Variants in OR5H1 observed in about 807,000 individuals in gnomAD.
The protein encoded by OR5H1 is olfactory receptor family 5 subfamily H member 1, also known as olfactory receptor 5H1.
For synonymous variants in OR5H1, 124 were observed against 134.4 expected (o/e 0.92, Z 0.54); for missense variants, 378 against 366.8 (o/e 1.03, Z -0.25).
chr3:98,132,660 T>C lies in OR5H1; in HGVS notation c.-18-20T>C, dbSNP rs376159075. The C allele has an allele frequency of 1.2e-5, 19 of 1,603,872 alleles. No homozygotes were observed. The highest frequency in any genetic ancestry group is 6.7e-5 in the East Asian group (3 of 44,718). The stretch of plus-strand genomic sequence containing the variant: ...ATGCCATTGCAAATGTTCCCTTTCA[T>C]TTGTTGCATTTTATTTTAGAGGGCA... On this transcript the variant is annotated intron_variant, in intron 1 of 1. Transcript: ENST00000641874.
chr3:98,133,372 C>A lies in OR5H1; in HGVS notation c.675C>A (p.Ile225=), dbSNP rs1266232384. ...CTTATACATTTGTTCTCTTCGCAAT[C>A]TTAAAAAAGAAATCTGATAAAGGTG... ...LVSYTFVLFA[I]LKKKSDKGVR... Residue 225 remains isoleucine (I), a synonymous_variant, in exon 2 of 2, where the codon ATC becomes ATA. Transcript: ENST00000641874. 2 of 1,613,052 alleles carry A rather than the reference C, an allele frequency of 1.2e-6. No individual in the cohort carries two copies. Among genetic ancestry groups the A allele is most frequent in the East Asian group, 4.5e-5 (2 of 44,816 alleles).
chr3:98,132,083 TCATAA>T (rs1437032416), intron 1 of OR5H1, among the ~76,000 whole-genome samples: 1 of 152,044 alleles, frequency 6.6e-6, no homozygotes, highest in Non-Finnish European at 1.5e-5. Context: ...CATTAAAACC[TCATAA>T]CATATTTTTC....
At chr3:98,131,319 T>G (rs1273233155) in intron 1 of OR5H1, among the ~76,000 whole-genome samples, 2 of 151,962 alleles carry the variant, frequency 1.3e-5, no homozygotes, top group African/African-American at 4.8e-5. Flanking sequence ...TTTGTTGATG[T>G]GAATAAAGGT....
rs576813088 is a variant in OR5H1 at position 98,138,514 on chromosome 3, AG to A, written c.*4876del. On this transcript the variant is annotated 3_prime_UTR_variant, in exon 2 of 2. Coordinates refer to ENST00000641874, the MANE Select transcript of OR5H1 (RefSeq NM_001005338.2). ...GTCATCATAAAAGCAAAAATCTAAA[AG>A]TCAAATATGTGTTTTTTTGTTTTAT... The A allele has an allele frequency of 6.6e-5, 10 of 152,230 alleles. No homozygotes were observed. Among genetic ancestry groups the A allele is most frequent in the African/African-American group, 2.2e-4 (9 of 41,470 alleles). The allele number at this position is 152,230 out of a possible 1,614,324, so 9.4% of individuals were successfully genotyped here. A position where few individuals can be genotyped will look rare whatever the true frequency, so the allele number is the denominator to read the frequency against.
At chr3:98,132,567 A>G in intron 1 of OR5H1, 113 bp from the exon 2 acceptor site, 2 of 1,216,558 alleles carry the variant, frequency 1.6e-6, no homozygotes, top group East Asian at 2.4e-5. Context: ...AGGACTGATC[A>G]AAAAATTGAG....
Position 98,138,254 on chromosome 3 carries a change from C to T in OR5H1, c.*4615C>T, listed in dbSNP as rs925062964. 1 of 152,116 alleles carries T rather than the reference C, an allele frequency of 6.6e-6. No individual in the cohort carries two copies. Among genetic ancestry groups the T allele is most frequent in the Non-Finnish European group, 1.5e-5 (1 of 68,036 alleles). The allele number at this position is 152,116 out of a possible 1,614,324, so 9.4% of individuals were successfully genotyped here. A position where few individuals can be genotyped will look rare whatever the true frequency, so the allele number is the denominator to read the frequency against. ...GTGGTCAGAGTGAAACAGAACAGAA[C>T]GGGAGGTTTCACAATGTCCTACCAT... On this transcript the variant is annotated 3_prime_UTR_variant, in exon 2 of 2. Transcript: ENST00000641874.
In OR5H1 at chr3:98,133,176, A is replaced by C; in HGVS notation, c.479A>C (p.Glu160Ala). 6.2e-7 allele frequency: 1 copy of C among 1,613,064 alleles called. No homozygotes were observed. Among genetic ancestry groups the C allele is most frequent in the Non-Finnish European group, 8.5e-7 (1 of 1,179,596 alleles). ...GGTATTCTTCATGCTTTAATCCATG[A>C]AGGATTTTTATTCAGACTAACCTTC... ...VGGILHALIHEGFLFRLTFCN... is the reference protein window; with the variant it reads ...VGGILHALIHAGFLFRLTFCN... The change falls in exon 2 of 2, where the codon GAA becomes GCA. Residue 160 changes from glutamate to alanine, a missense_variant. Physicochemically the swap from Glu to Ala is moderately radical, Grantham distance 107 (BLOSUM62 -1). Transcript: ENST00000641874.
rs540331244 is a variant in OR5H1 at position 98,137,392 on chromosome 3, C to T, written c.*3753C>T. The T allele has an allele frequency of 6.6e-6, 1 of 152,208 alleles. No individual in the cohort carries two copies. The highest frequency in any genetic ancestry group is 2.1e-4 in the South Asian group (1 of 4,822). 9.4% of individuals were successfully genotyped at this position (152,208 alleles called of 1,614,324 possible). A position where few individuals can be genotyped will look rare whatever the true frequency, so the allele number is the denominator to read the frequency against. On this transcript the variant is annotated 3_prime_UTR_variant, in exon 2 of 2. Coordinates refer to ENST00000641874, the MANE Select transcript of OR5H1 (RefSeq NM_001005338.2). ...AGATACTTTGCATACAGGGATGTTT[C>T]CTTTATGTTATTTAGTGGTATTTAT...
Position 98,135,041 on chromosome 3 carries a change from A to G in OR5H1, c.*1402A>G, listed in dbSNP as rs1416473372. On this transcript the variant is annotated 3_prime_UTR_variant, in exon 2 of 2. Coordinates refer to ENST00000641874, the MANE Select transcript of OR5H1 (RefSeq NM_001005338.2). ...ATGTATACATAGTGATACAAGATAT[A>G]TATTAGTACTTATATAGTTAAAATA... The G allele has an allele frequency of 2.0e-5, 3 of 152,194 alleles. No individual in the cohort carries two copies. The highest frequency in any genetic ancestry group is 4.4e-5 in the Non-Finnish European group (3 of 68,020). 9.4% of individuals were successfully genotyped at this position (152,194 alleles called of 1,614,324 possible). A position where few individuals can be genotyped will look rare whatever the true frequency, so the allele number is the denominator to read the frequency against.
intron 1 of OR5H1, among the ~76,000 whole-genome samples, 158 bp from the exon 2 acceptor site, chr3:98,132,522 G>C (rs900742208): frequency 6.6e-6 from 1 of 151,898 alleles, no homozygotes; most frequent in Non-Finnish European, 1.5e-5. Context: ...ATTTTTTCAT[G>C]TCTTTATTGC....
In OR5H1 at chr3:98,133,640, T is replaced by C. The variant is rs533241539; in HGVS notation, c.*1T>C. On this transcript the variant is annotated 3_prime_UTR_variant, in exon 2 of 2. Coordinates refer to ENST00000641874, the MANE Select transcript of OR5H1 (RefSeq NM_001005338.2). The stretch of plus-strand genomic sequence containing the variant: ...AAAACATGTTAAGGTTTCATACTAA[T>C]ATCCTTTCTCTAATTACAAAAATAG... 69 of 1,585,876 alleles carry C rather than the reference T, an allele frequency of 4.4e-5. No homozygotes were observed. The South Asian group carries it at 5.4e-4, about 12-fold the overall frequency.
rs1176949885 is a variant in OR5H1 at position 98,137,108 on chromosome 3, A to G, written c.*3469A>G. 6.6e-6 allele frequency: 1 copy of G among 152,204 alleles called. No homozygotes were observed. Among genetic ancestry groups the G allele is most frequent in the Non-Finnish European group, 1.5e-5 (1 of 68,040 alleles). 9.4% of individuals were successfully genotyped at this position (152,204 alleles called of 1,614,324 possible). On this transcript the variant is annotated 3_prime_UTR_variant, in exon 2 of 2. Coordinates refer to ENST00000641874, the MANE Select transcript of OR5H1 (RefSeq NM_001005338.2). ...GTGGTAATATAACCATAATTATGTT[A>G]TATTGTAATAACAGATTCTGATTAA... is the stretch of plus-strand genomic sequence containing the variant.
At position 98,133,955 on chromosome 3, in the gene OR5H1, A is replaced by C; in HGVS notation, c.*316A>C. On this transcript the variant is annotated 3_prime_UTR_variant, in exon 2 of 2. Coordinates refer to ENST00000641874, the MANE Select transcript of OR5H1 (RefSeq NM_001005338.2). ...GCCTAGTTTATCATATAAGGACTTG[A>C]GTATGATGGTTTTGATACTAATACT... is the stretch of plus-strand genomic sequence containing the variant. 3.9e-6 allele frequency: 1 copy of C among 254,928 alleles called. No homozygotes were observed. The highest frequency in any genetic ancestry group is 7.6e-6 in the Non-Finnish European group (1 of 131,488). The allele number at this position is 254,928 out of a possible 1,614,324, so 15.8% of individuals were successfully genotyped here. A position where few individuals can be genotyped will look rare whatever the true frequency, so the allele number is the denominator to read the frequency against.
In OR5H1 at chr3:98,135,703, G is replaced by C. The variant is rs1444495134; in HGVS notation, c.*2064G>C. ...GATGACAATGACTATCACAAACATA[G>C]TACCAAGGGACTGGGGTATGCTCCA... On this transcript the variant is annotated 3_prime_UTR_variant, in exon 2 of 2. Transcript: ENST00000641874. The C allele has an allele frequency of 9.9e-5, 15 of 152,064 alleles. No homozygotes were observed. Among genetic ancestry groups the C allele is most frequent in the Non-Finnish European group, 1.5e-4 (10 of 68,016 alleles). 9.4% of individuals were successfully genotyped at this position (152,064 alleles called of 1,614,324 possible).
rs756745869 is a variant in OR5H1, at chr3:98,133,528, C to T, written c.831C>T (p.Phe277=). The change falls in exon 2 of 2, where the codon TTC becomes TTT. Residue 277 remains phenylalanine (F), a synonymous_variant. Coordinates refer to ENST00000641874, the MANE Select transcript of OR5H1 (RefSeq NM_001005338.2). ...ATCAAGATATGGTGGAGCCTCTATTCTACACTGTCATCATTCCTTTGTTAA... is the reference window on the plus strand; with the variant it reads ...ATCAAGATATGGTGGAGCCTCTATTTTACACTGTCATCATTCCTTTGTTAA... ...ADDQDMVEPL[F]YTVIIPLLNP... 6.2e-7 allele frequency: 1 copy of T among 1,613,286 alleles called. No homozygotes were observed. The highest frequency in any genetic ancestry group is 8.5e-7 in the Non-Finnish European group (1 of 1,179,442).
At position 98,136,780 on chromosome 3, in the gene OR5H1, TC is replaced by T. The variant is rs1232599012; in HGVS notation, c.*3142del. 6.6e-6 allele frequency: 1 copy of T among 152,122 alleles called. No individual in the cohort carries two copies. The highest frequency in any genetic ancestry group is 1.5e-5 in the Non-Finnish European group (1 of 68,052). The allele number at this position is 152,122 out of a possible 1,614,324, so 9.4% of individuals were successfully genotyped here. On this transcript the variant is annotated 3_prime_UTR_variant, in exon 2 of 2. Coordinates refer to ENST00000641874, the MANE Select transcript of OR5H1 (RefSeq NM_001005338.2). ...TCCACTCTCTCTCTTTCCTTTCCTC[TC>T]TCACCACGTGATCACCACACTTGCC...
chr3:98,135,358 G>T lies in OR5H1; in HGVS notation c.*1719G>T, dbSNP rs1052770904. 26 of 152,116 alleles carry T rather than the reference G, an allele frequency of 1.7e-4. No individual in the cohort carries two copies. Among genetic ancestry groups the T allele is most frequent in the African/African-American group, 6.0e-4 (25 of 41,436 alleles). 9.4% of individuals were successfully genotyped at this position (152,116 alleles called of 1,614,324 possible). On this transcript the variant is annotated 3_prime_UTR_variant, in exon 2 of 2. Transcript: ENST00000641874. Reference sequence around the variant, plus strand: ...TTTACAATGAGTTGGATTCCTGTTTGCTTAGGTACAAACCCACTTTGCTGG... The same window carrying T: ...TTTACAATGAGTTGGATTCCTGTTTTCTTAGGTACAAACCCACTTTGCTGG...
Position 98,137,319 on chromosome 3 carries a change from A to G in OR5H1, c.*3680A>G, listed in dbSNP as rs1009458063. On this transcript the variant is annotated 3_prime_UTR_variant, in exon 2 of 2. Coordinates refer to ENST00000641874, the MANE Select transcript of OR5H1 (RefSeq NM_001005338.2). ...CGTGTTGTGTTTCTAACGTTATCAG[A>G]AATCTTTACTTGTCAGAGCCTTTTC... is the stretch of plus-strand genomic sequence containing the variant. 1 of 152,204 alleles carries G rather than the reference A, an allele frequency of 6.6e-6. No individual in the cohort carries two copies. Among genetic ancestry groups the G allele is most frequent in the South Asian group, 2.1e-4 (1 of 4,828 alleles). The allele number at this position is 152,204 out of a possible 1,614,324, so 9.4% of individuals were successfully genotyped here. A position where few individuals can be genotyped will look rare whatever the true frequency, so the allele number is the denominator to read the frequency against.
rs540957735 is a variant in OR5H1, at chr3:98,132,774, C to A, written c.77C>A (p.Pro26His). 5 of 1,613,400 alleles carry A rather than the reference C, an allele frequency of 3.1e-6. No individual in the cohort carries two copies. The highest frequency in any genetic ancestry group is 1.7e-4 in the Middle Eastern group (1 of 6,048). ...GFLYQPQWKI[P>H]LFLAFLVIYL... ...TTATATCAACCACAGTGGAAAATAC[C>A]CCTGTTCCTGGCATTCTTGGTAATA... Residue 26 changes from proline to histidine, a missense_variant, in exon 2 of 2, where the codon CCC becomes CAC. By Grantham distance (77) the Pro-to-His change is moderately conservative. Coordinates refer to ENST00000641874, the MANE Select transcript of OR5H1 (RefSeq NM_001005338.2).
Sources: allele counts gnomAD v4.1 joint callset (sites outside exome capture counted in the v4.1 genomes callset), GRCh38; gene constraint gnomAD v4.1.1; transcripts MANE v1.5; gene names NCBI Gene and HGNC (gene_info 2026-07-23, HGNC 2026-07-21).